AUTS2: variants seen among roughly 807,000 people sequenced by gnomAD.
AUTS2 encodes the protein activator of transcription and developmental regulator AUTS2, also known as autism susceptibility gene 2 protein.
A neutral mutation model predicts 112.4 loss-of-function variants in AUTS2; 17 were observed. The ratio of observed to expected loss-of-function variants is 0.15; its 90% confidence interval spans 0.10 to 0.23. The LOEUF (loss-of-function observed/expected upper bound fraction) is 0.23, where lower values mean the gene tolerates loss of function less well. Ranked by LOEUF, AUTS2 falls within the 10% of genes least tolerant of loss-of-function variation. The pLI, the probability that AUTS2 is intolerant of heterozygous loss-of-function variation, is 1.00. For synonymous variants in AUTS2, 751 were observed against 702.7 expected (o/e 1.07, Z -1.09); for missense variants, 1,510 against 1,701.6 (o/e 0.89, Z 1.98).
At chr7:70,259,714 G>A (rs1045396778) in intron 4 of AUTS2, among the ~76,000 whole-genome samples, 2 of 152,196 alleles carry the variant, frequency 1.3e-5, no homozygotes, top group African/African-American at 2.4e-5. Context: ...CTAAGAGCTT[G>A]TAGAGGACTT....
chr7:70,364,357 A>G (rs113799423), intron 4 of AUTS2, among the ~76,000 whole-genome samples: 2 of 151,862 alleles, frequency 1.3e-5, no homozygotes, highest in African/African-American at 4.8e-5. Context: ...AGGTCAGGAG[A>G]TAAGAGAACA....
At chr7:69,677,511 GA>G (rs1399161600) in intron 1 of AUTS2, among the ~76,000 whole-genome samples, 1 of 152,082 alleles carries the variant, frequency 6.6e-6, no homozygotes, top group African/African-American at 2.4e-5. Flanking sequence ...GAAGAGTGAG[GA>G]AAAAAGATGG....
rs1562759771 is a variant in AUTS2 at position 69,614,340 on chromosome 7, C to CTTTCTTTCTTAA, written c.309+14388_309+14389insAATTTCTTTCTT. 2.6e-4 allele frequency among the ~76,000 whole-genome samples: 16 copies of CTTTCTTTCTTAA among 60,542 alleles called. No homozygotes were observed. The South Asian group carries it at 9.6e-3, about 36-fold the overall frequency. The allele number at this position is 60,542 out of a possible 152,430, so 39.7% of individuals were successfully genotyped here. ...TCTTTCTTTCTTTCTTTCTTTCTTTCTTTCTTTCTTTCTTTCTTTCTTTCT... is the reference window on the plus strand; with the variant it reads ...TCTTTCTTTCTTTCTTTCTTTCTTTCTTTCTTTCTTAATTTCTTTCTTTCTTTCTTTCTTTCT... On this transcript the variant is annotated intron_variant, in intron 1 of 18. Transcript: ENST00000342771.
chr7:70,285,139 A>G lies in AUTS2; in HGVS notation c.660+150568A>G, dbSNP rs142112124. On this transcript the variant is annotated intron_variant, in intron 4 of 18. Coordinates refer to ENST00000342771, the MANE Select transcript of AUTS2 (RefSeq NM_015570.4). ...AGTGGGCAAATGGGGTGATTTCTCT[A>G]TGAGCCTCTCTGCTGTCAGAAGCTC... Among the ~76,000 whole-genome samples the G allele has an allele frequency of 7.0e-4, 107 of 152,182 alleles. 1 individual carries two copies. The East Asian group carries it at 0.02, about 29-fold the overall frequency.
At chr7:70,563,480 G>A (rs1305086701) in intron 5 of AUTS2, among the ~76,000 whole-genome samples, 1 of 152,198 alleles carries the variant, frequency 6.6e-6, no homozygotes, top group Admixed American at 6.5e-5. Context: ...GATGTTAATA[G>A]ATGTCACTGG....
chr7:70,380,327 G>A (rs1172474738), intron 4 of AUTS2, among the ~76,000 whole-genome samples: 1 of 152,206 alleles, frequency 6.6e-6, no homozygotes, highest in Admixed American at 6.5e-5. Context: ...AGGTAGAATT[G>A]TTTAAGTATC....
chr7:70,625,694 G>T (rs141174538), intron 5 of AUTS2, among the ~76,000 whole-genome samples: 1 of 152,116 alleles, frequency 6.6e-6, no homozygotes, highest in African/African-American at 2.4e-5. Flanking sequence ...ATACAAACAT[G>T]TAACAGTAGA....
intron 2 of AUTS2, among the ~76,000 whole-genome samples, chr7:69,933,431 T>G (rs1162639014): frequency 6.6e-6 from 1 of 152,212 alleles, no homozygotes; most frequent in Non-Finnish European, 1.5e-5. Flanking sequence ...GATAGGTCAG[T>G]GTCATTTGGT....
chr7:70,194,423 A>C (rs1237666576), intron 4 of AUTS2, among the ~76,000 whole-genome samples: 1 of 152,122 alleles, frequency 6.6e-6, no homozygotes, highest in African/African-American at 2.4e-5. Context: ...TAAATAAATA[A>C]ATAAAAAATA....
At chr7:69,781,639 T>C (rs1433312072) in intron 1 of AUTS2, among the ~76,000 whole-genome samples, 2 of 152,274 alleles carry the variant, frequency 1.3e-5, no homozygotes, top group African/African-American at 4.8e-5. Flanking sequence ...GCATCTCTAT[T>C]AGAGTCTTTC....
chr7:69,960,894 T>C (rs1462229792), intron 2 of AUTS2, among the ~76,000 whole-genome samples: 1 of 152,114 alleles, frequency 6.6e-6, no homozygotes, highest in East Asian at 1.9e-4. Context: ...TGTGGTATAT[T>C]GATTTGCACT....
At chr7:69,845,065 G>A (rs1044678913) in intron 1 of AUTS2, among the ~76,000 whole-genome samples, 23 of 152,158 alleles carry the variant, frequency 1.5e-4, no homozygotes, top group African/African-American at 5.6e-4. Flanking sequence ...TTCAGAGGCT[G>A]TGTTCATCCT....
chr7:69,731,086 G>T (rs1299238828), intron 1 of AUTS2, among the ~76,000 whole-genome samples: 1 of 152,146 alleles, frequency 6.6e-6, no homozygotes, highest in African/African-American at 2.4e-5. Flanking sequence ...ACTTGAACCC[G>T]TTTGAGACCA....
intron 4 of AUTS2, among the ~76,000 whole-genome samples, chr7:70,208,345 A>G (rs1018323871): frequency 6.6e-5 from 10 of 152,172 alleles, no homozygotes; most frequent in African/African-American, 2.4e-4. Context: ...TGACATCACT[A>G]TGTTATTAAA....
chr7:70,768,502 T>G (rs937255404), intron 10 of AUTS2, among the ~76,000 whole-genome samples: 2 of 152,178 alleles, frequency 1.3e-5, no homozygotes, highest in Non-Finnish European at 2.9e-5. Context: ...CTTCAACAAG[T>G]AGATTTTCAT....
rs762340644 is a variant in AUTS2 at position 70,304,516 on chromosome 7, G to C, written c.661-131236G>C. 1.6e-4 allele frequency among the ~76,000 whole-genome samples: 25 copies of C among 152,232 alleles called. 1 individual carries two copies. Among genetic ancestry groups the C allele is most frequent in the African/African-American group, 6.0e-4 (25 of 41,526 alleles). On this transcript the variant is annotated intron_variant, in intron 4 of 18. Transcript: ENST00000342771. ...GACCTTTTATTTGGGATGTAGTAGG[G>C]GGTCTGAAGTTGGGAAAGTCTGAGG...
At chr7:70,721,955 C>T (rs1786706157) in intron 6 of AUTS2, among the ~76,000 whole-genome samples, 1 of 152,078 alleles carries the variant, frequency 6.6e-6, no homozygotes, top group African/African-American at 2.4e-5. Context: ...AGCTGTGATT[C>T]TGTAATGTTA....
intron 4 of AUTS2, among the ~76,000 whole-genome samples, chr7:70,285,575 A>G (rs1461408972): frequency 6.6e-6 from 1 of 152,232 alleles, no homozygotes; most frequent in Non-Finnish European, 1.5e-5. Context: ...CTTAGCACAT[A>G]TACATGTTGT....
Position 70,486,023 on chromosome 7 carries a change from A to G in AUTS2, c.690+50242A>G, listed in dbSNP as rs1267859794. On this transcript the variant is annotated intron_variant, in intron 5 of 18. Coordinates refer to ENST00000342771, the MANE Select transcript of AUTS2 (RefSeq NM_015570.4). ...AAATAATAAATAAATAAATAAATAA[A>G]TAAATAAACCTAATGAAGCTGAGGG... Among the ~76,000 whole-genome samples, 5 of 152,050 alleles carry G rather than the reference A, an allele frequency of 3.3e-5. No individual in the cohort carries two copies. In the East Asian group the frequency reaches 9.6e-4, roughly 29 times the overall value.
Sources: gnomAD v4.1 joint callset for allele counts (sites outside exome capture counted in the v4.1 genomes callset) on GRCh38, gnomAD v4.1.1 for gene constraint, MANE v1.5 for transcripts, NCBI Gene and HGNC (gene_info 2026-07-23, HGNC 2026-07-21) for gene names.